The following ANKRD49 variants were observed in gnomAD, a reference collection of about 807,000 sequenced individuals.
ANKRD49 encodes the protein ankyrin repeat domain-containing protein 49.
Under a neutral mutation model 19.6 loss-of-function variants are expected in ANKRD49, and 18 were observed. The observed-to-expected ratio is 0.92, with a 90% CI of 0.63 to 1.36. ANKRD49 has a LOEUF of 1.36. Ranked by LOEUF, ANKRD49 falls within the 40% of genes most tolerant of loss-of-function variation. The pLI, the probability that ANKRD49 is intolerant of heterozygous loss-of-function variation, is 0.00. For synonymous variants in ANKRD49, 88 were observed against 101.8 expected, an observed-to-expected ratio of 0.86 and a Z score of 0.82; for missense variants, 218 against 281.6, an observed-to-expected ratio of 0.77 and a Z score of 1.62.
At chr11:94,498,023 T>G in intron 2 of ANKRD49, 48 bp from the exon 3 acceptor site, 5 of 1,397,894 alleles carry the variant, frequency 3.6e-6, no homozygotes, top group Non-Finnish European at 4.8e-6. Flanking sequence ...GTTTTAGTTA[T>G]TGTTTTGGTT....
chr11:94,495,065 T>C (rs982700630), intron 1 of ANKRD49, among the ~76,000 whole-genome samples: 7 of 152,194 alleles, frequency 4.6e-5, no homozygotes, highest in Non-Finnish European at 2.9e-5. Context: ...TTAGGAATAC[T>C]TTAGTAAAAT....
intron 2 of ANKRD49, 199 bp downstream of exon 2, chr11:94,497,150 A>G (rs1313701199): frequency 9.2e-6 from 6 of 652,676 alleles, no homozygotes; most frequent in African/African-American, 3.6e-5. Flanking sequence ...ATAATTATCT[A>G]TAAAGATAGC....
In ANKRD49 at chr11:94,496,628, A is replaced by G. The variant is rs1451508272; in HGVS notation, c.-66A>G. 7.2e-7 allele frequency: 1 copy of G among 1,382,200 alleles called. No homozygotes were observed. The highest frequency in any genetic ancestry group is 2.3e-5 in the East Asian group (1 of 43,426). The allele number at this position is 1,382,200 out of a possible 1,614,324, so 85.6% of individuals were successfully genotyped here. A position where few individuals can be genotyped will look rare whatever the true frequency, so the allele number is the denominator to read the frequency against. On this transcript the variant is annotated 5_prime_UTR_variant, in exon 2 of 3. Coordinates refer to ENST00000544612, the MANE Select transcript of ANKRD49 (RefSeq NM_017704.3). Reference sequence around the variant, plus strand: ...GATCTTGATGAACAAAGCAGTCATAATTCATCTCTAGAAAGATTTATATCC... The same window carrying G: ...GATCTTGATGAACAAAGCAGTCATAGTTCATCTCTAGAAAGATTTATATCC...
At position 94,496,648 on chromosome 11, in the gene ANKRD49, A is replaced by C. The variant is rs758499757; in HGVS notation, c.-46A>C. 6.8e-7 allele frequency: 1 copy of C among 1,480,468 alleles called. No individual in the cohort carries two copies. The highest frequency in any genetic ancestry group is 9.0e-7 in the Non-Finnish European group (1 of 1,107,288). 91.7% of individuals were successfully genotyped at this position (1,480,468 alleles called of 1,614,324 possible). On this transcript the variant is annotated 5_prime_UTR_variant, in exon 2 of 3. Transcript: ENST00000544612. Reference sequence around the variant, plus strand: ...TCATAATTCATCTCTAGAAAGATTTATATCCTGGCATTTGAAATGCTTTTT... The same window carrying C: ...TCATAATTCATCTCTAGAAAGATTTCTATCCTGGCATTTGAAATGCTTTTT...
Position 94,498,113 on chromosome 11 carries a change from G to A in ANKRD49, c.301G>A (p.Val101Met), listed in dbSNP as rs1325335999. 14 of 1,613,628 alleles carry A rather than the reference G, an allele frequency of 8.7e-6. No homozygotes were observed. Among genetic ancestry groups the A allele is most frequent in the African/African-American group, 1.3e-5 (1 of 74,892 alleles). Residue 101 changes from valine to methionine, a missense_variant, in exon 3 of 3, where the codon GTG (valine) becomes ATG (methionine). Transcript: ENST00000544612. Reference sequence around the variant, plus strand: ...ACTCCTTTCTGAAAAGGCCACTCACGTGAACACTAGGGATGAAGATGAGTA... The same window carrying A: ...ACTCCTTTCTGAAAAGGCCACTCACATGAACACTAGGGATGAAGATGAGTA... ...RRLLSEKATH[V>M]NTRDEDEYTP... is the part of the protein sequence containing the mutation.
chr11:94,496,537 C>T, intron 1 of ANKRD49, 67 bp from the exon 2 acceptor site: 1 of 653,208 alleles, frequency 1.5e-6, no homozygotes, highest in Non-Finnish European at 2.5e-6. Flanking sequence ...GTTTGCAAGA[C>T]TTATCTATGC....
intron 2 of ANKRD49, 65 bp from the exon 3 acceptor site, chr11:94,498,006 C>T (rs1947440930): frequency 2.4e-6 from 3 of 1,265,186 alleles, no homozygotes. Context: ...CACCACAAGA[C>T]AATTTTGTTT....
In ANKRD49 at chr11:94,498,477, A is replaced by ATCAC. The variant is rs760076583; in HGVS notation, c.667_670dup (p.Tyr224SerfsTer5). ...GATATTGCCAGGAGGACAAGTATCTATCACTACCTCTTTGAAATTGTGGAA... is the reference window on the plus strand; with the variant it reads ...GATATTGCCAGGAGGACAAGTATCTATCACTCACTACCTCTTTGAAATTGTGGAA... On this transcript the variant is annotated frameshift_variant, in exon 3 of 3. Transcript: ENST00000544612. LOFTEE classifies it high-confidence loss of function. The ATCAC allele has an allele frequency of 5.6e-6, 9 of 1,613,828 alleles. No homozygotes were observed. The highest frequency in any genetic ancestry group is 6.8e-6 in the Non-Finnish European group (8 of 1,179,842).
intron 1 of ANKRD49, among the ~76,000 whole-genome samples, chr11:94,494,540 G>T (rs998398100): frequency 6.6e-6 from 1 of 152,124 alleles, no homozygotes; most frequent in African/African-American, 2.4e-5. Flanking sequence ...GTAAGGAGTT[G>T]ACATAGTTCG....
chr11:94,497,171 C>A, intron 2 of ANKRD49: 1 of 596,666 alleles, frequency 1.7e-6, no homozygotes, highest in Non-Finnish European at 2.9e-6. Flanking sequence ...AAGCAATCAT[C>A]TATATTTTAA....
chr11:94,495,486 G>C (rs911773104), intron 1 of ANKRD49, among the ~76,000 whole-genome samples: 1 of 152,166 alleles, frequency 6.6e-6, no homozygotes, highest in Non-Finnish European at 1.5e-5. Context: ...ATCTAAATGA[G>C]AGGATCAAGA....
At position 94,496,622 on chromosome 11, in the gene ANKRD49, G is replaced by A; in HGVS notation, c.-72G>A. 1 of 1,339,322 alleles carries A rather than the reference G, an allele frequency of 7.5e-7. No individual in the cohort carries two copies. Among genetic ancestry groups the A allele is most frequent in the Non-Finnish European group, 1.0e-6 (1 of 988,188 alleles). 83.0% of individuals were successfully genotyped at this position (1,339,322 alleles called of 1,614,324 possible). On this transcript the variant is annotated 5_prime_UTR_variant, in exon 2 of 3. Coordinates refer to ENST00000544612, the MANE Select transcript of ANKRD49 (RefSeq NM_017704.3). ...TTTTCAGATCTTGATGAACAAAGCA[G>A]TCATAATTCATCTCTAGAAAGATTT... is the stretch of plus-strand genomic sequence containing the variant.
Position 94,498,739 on chromosome 11 carries a change from T to A in ANKRD49, c.*207T>A. The stretch of plus-strand genomic sequence containing the variant: ...TATCTTTAATTATTTCTGTGGAGTT[T>A]GTGATTTTTTTATCAGAAATAATTT... On this transcript the variant is annotated 3_prime_UTR_variant, in exon 3 of 3. Transcript: ENST00000544612. 3.5e-6 allele frequency: 2 copies of A among 572,606 alleles called. No homozygotes were observed. Among genetic ancestry groups the A allele is most frequent in the Non-Finnish European group, 6.1e-6 (2 of 329,356 alleles). 35.5% of individuals were successfully genotyped at this position (572,606 alleles called of 1,614,324 possible). A position where few individuals can be genotyped will look rare whatever the true frequency, so the allele number is the denominator to read the frequency against.
rs981650307 is a variant in ANKRD49, at chr11:94,499,301, C to G, written c.*769C>G. On this transcript the variant is annotated 3_prime_UTR_variant, in exon 3 of 3. Coordinates refer to ENST00000544612, the MANE Select transcript of ANKRD49 (RefSeq NM_017704.3). ...CAACAGATCATAATATATCTGCTATCCAACTGGTTTTACCTGCCTAATCCT... is the reference window on the plus strand; with the variant it reads ...CAACAGATCATAATATATCTGCTATGCAACTGGTTTTACCTGCCTAATCCT... The G allele has an allele frequency of 3.9e-5, 6 of 152,550 alleles. 1 individual carries two copies. In the South Asian group the frequency reaches 1.2e-3, roughly 32 times the overall value. The allele number at this position is 152,550 out of a possible 1,614,324, so 9.4% of individuals were successfully genotyped here.
At position 94,498,639 on chromosome 11, in the gene ANKRD49, G is replaced by A; in HGVS notation, c.*107G>A. ...AAACATCTTACTACAAAAATTCAGT[G>A]ACATTCATTATAACATTCTTCCAAG... On this transcript the variant is annotated 3_prime_UTR_variant, in exon 3 of 3. Transcript: ENST00000544612. The A allele has an allele frequency of 1.0e-6, 1 of 965,176 alleles. No homozygotes were observed. Among genetic ancestry groups the A allele is most frequent in the Non-Finnish European group, 1.6e-6 (1 of 642,464 alleles). 59.8% of individuals were successfully genotyped at this position (965,176 alleles called of 1,614,324 possible).
chr11:94,497,064 C>G, intron 2 of ANKRD49, 113 bp downstream of exon 2: 4 of 1,377,540 alleles, frequency 2.9e-6, no homozygotes, highest in Non-Finnish European at 4.1e-6. Flanking sequence ...ATTGTGAGGA[C>G]CAAATGAGAC....
At chr11:94,495,786 C>T (rs1448138609) in intron 1 of ANKRD49, among the ~76,000 whole-genome samples, 2 of 152,116 alleles carry the variant, frequency 1.3e-5, no homozygotes, top group Non-Finnish European at 2.9e-5. Flanking sequence ...TAGACAAGGT[C>T]TTGTAGTAGT....
rs977713931 is a variant in ANKRD49 at position 94,498,131 on chromosome 11, G to A, written c.319G>A (p.Asp107Asn). 1 of 1,614,118 alleles carries A rather than the reference G, an allele frequency of 6.2e-7. No individual in the cohort carries two copies. The highest frequency in any genetic ancestry group is 8.5e-7 in the Non-Finnish European group (1 of 1,180,020). ...KATHVNTRDE[D>N]EYTPLHRAAY... ...CACTCACGTGAACACTAGGGATGAA[G>A]ATGAGTATACCCCTCTTCATCGAGC... The change falls in exon 3 of 3, where the codon GAT becomes AAT. Residue 107 changes from aspartate to asparagine, a missense_variant. Asp to Asn is a conservative substitution (Grantham distance 23). Coordinates refer to ENST00000544612, the MANE Select transcript of ANKRD49 (RefSeq NM_017704.3).
chr11:94,496,542 C>A, intron 1 of ANKRD49, 62 bp from the exon 2 acceptor site: 1 of 673,886 alleles, frequency 1.5e-6, no homozygotes, highest in African/African-American at 1.8e-5. Context: ...CAAGACTTAT[C>A]TATGCAGTTG....
Sources: gnomAD v4.1 joint callset for allele counts (sites outside exome capture counted in the v4.1 genomes callset) on GRCh38, gnomAD v4.1.1 for gene constraint, MANE v1.5 for transcripts, NCBI Gene and HGNC (gene_info 2026-07-23, HGNC 2026-07-21) for gene names.